Variants in SLC13A1 observed in about 807,000 individuals in gnomAD.
SLC13A1 encodes the protein Na(+)/sulfate cotransporter.
In SLC13A1, 65 loss-of-function variants were observed where a neutral mutation model predicts 70.0. The observed-to-expected ratio is 0.93, with a 90% confidence interval of 0.76 to 1.14. SLC13A1 has a LOEUF of 1.14. Among genes scored for constraint, SLC13A1 ranks in the 50% most tolerant of loss-of-function variants. The probability of loss-of-function intolerance (pLI) is 0.00; values close to 1 mark genes in which losing one functional copy is unlikely to be tolerated. For missense variants in SLC13A1, 726 were observed against 717.8 expected, an observed-to-expected ratio of 1.01 and a Z score of -0.13; for synonymous variants, 275 against 250.5, an observed-to-expected ratio of 1.10 and a Z score of -0.92.
At chr7:123,181,485 G>A (rs1210575883) in intron 1 of SLC13A1, among the ~76,000 whole-genome samples, 1 of 152,056 alleles carries the variant, frequency 6.6e-6, no homozygotes, top group Non-Finnish European at 1.5e-5. Context: ...CTTTCCCCTG[G>A]GGGCAGGATA....
chr7:123,157,306 A>T (rs1195323944), intron 6 of SLC13A1, among the ~76,000 whole-genome samples: 1 of 152,144 alleles, frequency 6.6e-6, no homozygotes, highest in African/African-American at 2.4e-5. Flanking sequence ...ACTCTGAAAT[A>T]GAATTTTTAT....
chr7:123,173,858 A>G (rs1218662678), intron 2 of SLC13A1, among the ~76,000 whole-genome samples: 1 of 151,822 alleles, frequency 6.6e-6, no homozygotes, highest in African/African-American at 2.4e-5. Context: ...CTTATATCCC[A>G]ATTTTCTACA....
intron 6 of SLC13A1, among the ~76,000 whole-genome samples, chr7:123,151,012 T>A (rs1055639930): frequency 6.6e-6 from 1 of 152,112 alleles, no homozygotes; most frequent in African/African-American, 2.4e-5. Flanking sequence ...TAGACCCATG[T>A]ATCCAATTGC....
intron 12 of SLC13A1, among the ~76,000 whole-genome samples, chr7:123,121,813 A>G (rs180991905): frequency 6.6e-6 from 1 of 152,218 alleles, no homozygotes; most frequent in East Asian, 1.9e-4. Flanking sequence ...TTGCCAGACT[A>G]CAATTTGAAA....
rs1795684128 is a variant in SLC13A1 at position 123,182,890 on chromosome 7, A to G, written c.100-1789T>C. ...AGTGACTTTTAGTTGTTTATTGAAAATAATTGAAGAATCCTCATTTTGCAT... is the reference window on the plus strand; with the variant it reads ...AGTGACTTTTAGTTGTTTATTGAAAGTAATTGAAGAATCCTCATTTTGCAT... On this transcript the variant is annotated intron_variant, in intron 1 of 14. Coordinates refer to ENST00000194130, the MANE Select transcript of SLC13A1 (RefSeq NM_022444.4). Among the ~76,000 whole-genome samples the G allele has an allele frequency of 2.6e-5, 4 of 152,106 alleles. No individual in the cohort carries two copies. The South Asian group carries it at 8.3e-4, about 31-fold the overall frequency.
intron 7 of SLC13A1, among the ~76,000 whole-genome samples, chr7:123,140,031 T>C (rs2116372451): frequency 6.6e-6 from 1 of 152,204 alleles, no homozygotes; most frequent in Admixed American, 6.5e-5. Context: ...ACCCATTCAG[T>C]ATAATACTAG....
chr7:123,162,561 A>G (rs1182376140), intron 6 of SLC13A1, among the ~76,000 whole-genome samples: 3 of 152,088 alleles, frequency 2.0e-5, no homozygotes, highest in South Asian at 2.1e-4. Flanking sequence ...TTGCCATCCA[A>G]CTTCTCCCAG....
chr7:123,142,798 A>G (rs1158106935), intron 7 of SLC13A1, among the ~76,000 whole-genome samples: 1 of 151,420 alleles, frequency 6.6e-6, no homozygotes, highest in Admixed American at 6.6e-5. Context: ...TTGTATTTTT[A>G]AGTAAAGATG....
intron 1 of SLC13A1, among the ~76,000 whole-genome samples, chr7:123,184,080 G>A (rs1795722062): frequency 6.6e-6 from 1 of 151,952 alleles, no homozygotes; most frequent in Admixed American, 6.6e-5. Context: ...GAAAACCAAA[G>A]GTCTGGAAAA....
At chr7:123,142,047 G>A (rs543407852) in intron 7 of SLC13A1, among the ~76,000 whole-genome samples, 7 of 152,044 alleles carry the variant, frequency 4.6e-5, no homozygotes, top group South Asian at 4.2e-4. Context: ...TTTAGTGAAG[G>A]TGAGTTTCTC....
At chr7:123,123,829 A>G (rs1793469357) in intron 11 of SLC13A1, among the ~76,000 whole-genome samples, 1 of 152,144 alleles carries the variant, frequency 6.6e-6, no homozygotes, top group South Asian at 2.1e-4. Context: ...TTCTCTTTAT[A>G]TTTGGCTTCT....
At chr7:123,186,708 T>TG (rs778014992) in intron 1 of SLC13A1, 2 of 455,484 alleles carry the variant, frequency 4.4e-6, no homozygotes, top group South Asian at 3.1e-5. Context: ...CCAAGTCTGC[T>TG]GGAAGTTGCT....
At chr7:123,161,857 C>T (rs189904103) in intron 6 of SLC13A1, among the ~76,000 whole-genome samples, 8 of 152,066 alleles carry the variant, frequency 5.3e-5, no homozygotes, top group Non-Finnish European at 8.8e-5. Flanking sequence ...GAGATAGGCT[C>T]GTGTAGATTT....
chr7:123,115,438 G>A lies in SLC13A1; in HGVS notation c.*80C>T. ...TAACTGATTTAAATGTGTGTCATTA[G>A]TTATTTAGAGCCACATTTTACAGTC... On this transcript the variant is annotated 3_prime_UTR_variant, in exon 15 of 15. Coordinates refer to ENST00000194130, the MANE Select transcript of SLC13A1 (RefSeq NM_022444.4). The A allele has an allele frequency of 7.0e-7, 1 of 1,422,878 alleles. No individual in the cohort carries two copies. Among genetic ancestry groups the A allele is most frequent in the Non-Finnish European group, 9.7e-7 (1 of 1,027,018 alleles). 88.1% of individuals were successfully genotyped at this position (1,422,878 alleles called of 1,614,324 possible). A position where few individuals can be genotyped will look rare whatever the true frequency, so the allele number is the denominator to read the frequency against.
intron 7 of SLC13A1, among the ~76,000 whole-genome samples, chr7:123,146,218 C>A (rs1794345286): frequency 6.6e-6 from 1 of 152,058 alleles, no homozygotes; most frequent in Non-Finnish European, 1.5e-5. Flanking sequence ...AATCATGGAC[C>A]TTTTTGTTGT....
At chr7:123,131,027 T>C (rs1333861401) in intron 8 of SLC13A1, among the ~76,000 whole-genome samples, 1 of 152,156 alleles carries the variant, frequency 6.6e-6, no homozygotes, top group African/African-American at 2.4e-5. Flanking sequence ...TCTCTTGGAA[T>C]GTTTATGAGC....
intron 7 of SLC13A1, among the ~76,000 whole-genome samples, chr7:123,140,395 CTTTG>C (rs2116374494): frequency 6.6e-6 from 1 of 151,896 alleles, no homozygotes; most frequent in South Asian, 2.1e-4. Context: ...CTGTAGTTTC[CTTTG>C]TTTATGTGTC....
chr7:123,132,558 G>C (rs1043160325), intron 8 of SLC13A1, among the ~76,000 whole-genome samples: 12 of 152,098 alleles, frequency 7.9e-5, no homozygotes, highest in Admixed American at 2.0e-4. Context: ...TTTTAGTAGA[G>C]AAGGGGTTTC....
chr7:123,199,910 A>G lies in SLC13A1; in HGVS notation c.37T>C (p.Phe13Leu). 1 of 1,613,136 alleles carries G rather than the reference A, an allele frequency of 6.2e-7. No homozygotes were observed. Among genetic ancestry groups the G allele is most frequent in the Non-Finnish European group, 8.5e-7 (1 of 1,179,412 alleles). Residue 13 changes from phenylalanine (F) to leucine (L), a missense_variant, in exon 1 of 15, where the codon TTT (phenylalanine) becomes CTT (leucine). Transcript: ENST00000194130. ...FFSYILVYRR[F>L]LFVVFTVLVL... is the part of the protein sequence containing the mutation. The stretch of plus-strand genomic sequence containing the variant: ...AACACAGTGAAAACCACGAAGAGAA[A>G]TCGGCGATAAACCAGAATGTAACTG...
Sources: gnomAD v4.1 joint callset for allele counts (sites outside exome capture counted in the v4.1 genomes callset) on GRCh38, gnomAD v4.1.1 for gene constraint, MANE v1.5 for transcripts, NCBI Gene and HGNC (gene_info 2026-07-23, HGNC 2026-07-21) for gene names.